Variants in HPGDS observed in about 807,000 individuals in gnomAD.
The protein encoded by HPGDS is hematopoietic prostaglandin D synthase.
HPGDS carries 26 observed loss-of-function variants against 23.1 expected under a neutral mutation model. The ratio of observed to expected loss-of-function variants is 1.13; its 90% CI spans 0.83 to 1.56. The LOEUF is 1.56. HPGDS is among the 40% of genes most tolerant of loss of function. HPGDS has a pLI of 0.00. For synonymous variants in HPGDS, 95 were observed against 77.9 expected, an observed-to-expected ratio of 1.22 and a Z score of -1.16; for missense variants, 268 against 236.4, an observed-to-expected ratio of 1.13 and a Z score of -0.88.
chr4:94,313,286 A>T (rs913211258), intron 3 of HPGDS, among the ~76,000 whole-genome samples: 35 of 152,238 alleles, frequency 2.3e-4, no homozygotes, highest in African/African-American at 7.2e-4. Flanking sequence ...TGGTTGTTCC[A>T]TTCCATGTTT....
At chr4:94,340,309 C>CTTTTTTTTTTTTTTTTTTTTTTTT (rs1560597992) in intron 1 of HPGDS, among the ~76,000 whole-genome samples, 1 of 28,764 alleles carries the variant, frequency 3.5e-5, no homozygotes, top group South Asian at 1.8e-3. Context: ...TTCTTTCTTT[C>CTTTTTTTTTTTTTTTTTTTTTTTT]TCTTTTTTTT....
intron 2 of HPGDS, among the ~76,000 whole-genome samples, chr4:94,319,376 C>A (rs1756459431): frequency 6.6e-6 from 1 of 151,882 alleles, no homozygotes; most frequent in African/African-American, 2.4e-5. Context: ...ATATTTTTTT[C>A]CATTCCTTCA....
chr4:94,318,914 T>A (rs1756449554), intron 2 of HPGDS, among the ~76,000 whole-genome samples: 1 of 152,162 alleles, frequency 6.6e-6, no homozygotes, highest in Non-Finnish European at 1.5e-5. Context: ...GGTTTTGCTA[T>A]GTTGGCCAGG....
At chr4:94,320,004 A>G (rs900397043) in intron 2 of HPGDS, among the ~76,000 whole-genome samples, 1 of 152,164 alleles carries the variant, frequency 6.6e-6, no homozygotes, top group Non-Finnish European at 1.5e-5. Context: ...GAGTGAGAAC[A>G]TGCAGTGTTT....
intron 2 of HPGDS, among the ~76,000 whole-genome samples, chr4:94,329,025 A>G (rs1756688315): frequency 6.6e-6 from 1 of 152,238 alleles, no homozygotes; most frequent in African/African-American, 2.4e-5. Context: ...TGCCTGAGAT[A>G]CTTCAGTGAG....
At chr4:94,302,269 T>G in intron 4 of HPGDS, 25 bp from the exon 5 acceptor site, 1 of 1,495,238 alleles carries the variant, frequency 6.7e-7, no homozygotes, top group African/African-American at 1.4e-5. Context: ...AAATATCACT[T>G]TAAGAATAAT....
chr4:94,324,764 C>T (rs1426835455), intron 2 of HPGDS, among the ~76,000 whole-genome samples: 1 of 152,208 alleles, frequency 6.6e-6, no homozygotes, highest in Non-Finnish European at 1.5e-5. Flanking sequence ...CTTATGTCAA[C>T]TCGTCAAAGT....
chr4:94,312,921 G>T (rs937843720), intron 3 of HPGDS, among the ~76,000 whole-genome samples: 5 of 151,992 alleles, frequency 3.3e-5, no homozygotes, highest in African/African-American at 7.2e-5. Context: ...GATCTTTGTT[G>T]GTTTAAAGTC....
intron 5 of HPGDS, among the ~76,000 whole-genome samples, 166 bp from the exon 6 acceptor site, chr4:94,299,810 T>C (rs565766947): frequency 1.3e-5 from 2 of 152,338 alleles, no homozygotes; most frequent in Non-Finnish European, 2.9e-5. Flanking sequence ...GATATCACAC[T>C]CCAGCAATCA....
intron 5 of HPGDS, among the ~76,000 whole-genome samples, chr4:94,300,183 AC>A (rs1756013561): frequency 1.3e-5 from 2 of 152,156 alleles, no homozygotes; most frequent in Non-Finnish European, 1.5e-5. Context: ...GTTCCTTTGT[AC>A]TACGTAGTAT....
chr4:94,307,006 C>T (rs1442023961), intron 4 of HPGDS, among the ~76,000 whole-genome samples: 1 of 151,934 alleles, frequency 6.6e-6, no homozygotes, highest in African/African-American at 2.4e-5. Context: ...AATTTTAGAA[C>T]TCTAAGGGCA....
intron 2 of HPGDS, among the ~76,000 whole-genome samples, chr4:94,319,298 C>T (rs1201999350): frequency 1.3e-5 from 2 of 152,054 alleles, no homozygotes; most frequent in African/African-American, 4.8e-5. Context: ...ACATTTTTTA[C>T]TTAAAGTCTA....
In HPGDS at chr4:94,317,917, A is replaced by G. The variant is rs373197581; in HGVS notation, c.182T>C (p.Leu61Pro). Residue 61 changes from leucine to proline, a missense_variant, in exon 3 of 6, where the codon CTT becomes CCT. Leu to Pro is a moderately conservative substitution (Grantham distance 98). Coordinates refer to ENST00000295256, the MANE Select transcript of HPGDS (RefSeq NM_014485.3). Reference protein sequence around the residue: ...IPILEVDGLTLHQSLAIARYL... With the variant: ...IPILEVDGLTPHQSLAIARYL... ...TCTTGCTATTGCTAGGCTCTGGTGA[A>G]GAGTAAGTCCATCAACTTCCAAAAT... 7.4e-6 allele frequency: 12 copies of G among 1,612,312 alleles called. No homozygotes were observed. Among genetic ancestry groups the G allele is most frequent in the Non-Finnish European group, 9.3e-6 (11 of 1,179,176 alleles).
intron 2 of HPGDS, among the ~76,000 whole-genome samples, chr4:94,324,240 G>C (rs1449596086): frequency 1.3e-5 from 2 of 151,996 alleles, no homozygotes; most frequent in Non-Finnish European, 2.9e-5. Context: ...TACATGTCTT[G>C]GAGTTGTTCT....
chr4:94,324,681 G>A (rs769980487), intron 2 of HPGDS, among the ~76,000 whole-genome samples: 10 of 152,026 alleles, frequency 6.6e-5, no homozygotes, highest in African/African-American at 9.7e-5. Flanking sequence ...CAAGGTTTCA[G>A]CTTCCTTGTG....
At chr4:94,309,976 T>C (rs1157721588) in intron 3 of HPGDS, among the ~76,000 whole-genome samples, 1 of 152,234 alleles carries the variant, frequency 6.6e-6, no homozygotes, top group Non-Finnish European at 1.5e-5. Context: ...TTAATGGGGT[T>C]GTTTGCTTTT....
chr4:94,334,471 C>T, intron 2 of HPGDS, 26 bp downstream of exon 2: 3 of 1,541,728 alleles, frequency 1.9e-6, no homozygotes, highest in Non-Finnish European at 1.7e-6. Context: ...CATATTTTTC[C>T]TACATTTATT....
At chr4:94,299,760 A>C (rs1340224720) in intron 5 of HPGDS, 116 bp from the exon 6 acceptor site, 2 of 957,386 alleles carry the variant, frequency 2.1e-6, no homozygotes, top group Non-Finnish European at 3.1e-6. Flanking sequence ...TGTTATTACA[A>C]AAGCAGAATG....
chr4:94,332,748 G>A (rs147201902), intron 2 of HPGDS, among the ~76,000 whole-genome samples: 52 of 152,312 alleles, frequency 3.4e-4, no homozygotes, highest in East Asian at 2.7e-3. Flanking sequence ...TCAACTTTTC[G>A]AGTTATCTGC....
Sources: allele counts gnomAD v4.1 joint callset (sites outside exome capture counted in the v4.1 genomes callset), GRCh38; gene constraint gnomAD v4.1.1; transcripts MANE v1.5; gene names NCBI Gene and HGNC (gene_info 2026-07-23, HGNC 2026-07-21).